The following FAM167A variants were observed in gnomAD, a reference collection of about 807,000 sequenced individuals.
FAM167A encodes the protein family with sequence similarity 167 member A, also known as protein FAM167A.
A neutral mutation model predicts 14.9 loss-of-function variants in FAM167A; 23 were observed. The ratio of observed to expected loss-of-function variants is 1.55; its 90% CI spans 1.11 to 2.19. The LOEUF is 2.19. FAM167A is among the 30% of genes most tolerant of loss of function. The pLI, the probability that FAM167A is intolerant of heterozygous loss-of-function variation, is 0.00. For synonymous variants in FAM167A, 174 were observed against 117.7 expected, an observed-to-expected ratio of 1.48 and a Z score of -3.10; for missense variants, 401 against 281.5, an observed-to-expected ratio of 1.42 and a Z score of -3.04.
At chr8:11,470,275 A>G (rs1391711704), upstream of FAM167A, among the ~76,000 whole-genome samples, 1 of 151,988 alleles carries the variant, frequency 6.6e-6, no homozygotes, top group Non-Finnish European at 1.5e-5. Flanking sequence ...TCTAGCAAAG[A>G]TTTGAGGGAG....
chr8:11,455,497 T>A (rs1206258298), intron 1 of FAM167A, among the ~76,000 whole-genome samples: 1 of 127,948 alleles, frequency 7.8e-6, no homozygotes, highest in Non-Finnish European at 1.7e-5. Flanking sequence ...CCCTGATGGG[T>A]GTGTGAGTGT....
At chr8:11,425,280 CCAT>C (rs755833978) in intron 2 of FAM167A, among the ~76,000 whole-genome samples, 1 of 152,146 alleles carries the variant, frequency 6.6e-6, no homozygotes, top group Non-Finnish European at 1.5e-5. Context: ...AGTGATGTCA[CCAT>C]CATCACCCAC....
At chr8:11,460,826 C>T (rs968482582) in intron 1 of FAM167A, among the ~76,000 whole-genome samples, 1 of 152,092 alleles carries the variant, frequency 6.6e-6, no homozygotes, top group Non-Finnish European at 1.5e-5. Context: ...AACCCTGCAT[C>T]TATTGTCTAG....
At chr8:11,434,236 C>G (rs1563364828) in intron 2 of FAM167A, 1 of 152,232 alleles carries the variant, frequency 6.6e-6, no homozygotes, top group Non-Finnish European at 1.5e-5. Flanking sequence ...CTGAAGCTGA[C>G]TCTCCTGGCG....
intron 2 of FAM167A, among the ~76,000 whole-genome samples, chr8:11,439,782 G>GCC (rs952847216): frequency 2.8e-4 from 42 of 152,274 alleles, no homozygotes; most frequent in African/African-American, 9.4e-4. Flanking sequence ...AGACTTTATT[G>GCC]CCCCTTTTCT....
intron 2 of FAM167A, among the ~76,000 whole-genome samples, chr8:11,432,796 A>G (rs1243989484): frequency 4.6e-5 from 7 of 152,262 alleles, no homozygotes; most frequent in Non-Finnish European, 1.5e-5. Context: ...CACAATAGCA[A>G]AGACTTAGAA....
At chr8:11,457,080 GCGGGGC>G (rs1807356382) in intron 1 of FAM167A, among the ~76,000 whole-genome samples, 2 of 91,184 alleles carry the variant, frequency 2.2e-5, no homozygotes, top group African/African-American at 8.0e-5. Context: ...GGGGAAGTGG[GCGGGGC>G]TGGGTTGGGG....
At chr8:11,446,955 A>G (rs906212255) in intron 1 of FAM167A, among the ~76,000 whole-genome samples, 1 of 152,156 alleles carries the variant, frequency 6.6e-6, no homozygotes. Context: ...AGAGGATTCA[A>G]CTGCAGGCGG....
intron 1 of FAM167A, chr8:11,446,753 G>A (rs554232094): frequency 6.6e-6 from 1 of 152,354 alleles, no homozygotes; most frequent in African/African-American, 2.4e-5. Context: ...GGAGTCTCCT[G>A]TGCAGTTTCA....
rs1804754926 is a variant in FAM167A at position 11,421,876 on chromosome 8, G to C, written c.*2497C>G. 2.5e-6 allele frequency: 1 copy of C among 398,426 alleles called. No individual in the cohort carries two copies. Among genetic ancestry groups the C allele is most frequent in the Admixed American group, 4.4e-5 (1 of 22,710 alleles). The allele number at this position is 398,426 out of a possible 1,614,324, so 24.7% of individuals were successfully genotyped here. ...AGGCCAATGTTGCTGCTGACTCATA[G>C]ACCCACAGAGAGCAGGGACTTCACA... is the stretch of plus-strand genomic sequence containing the variant. On this transcript the variant is annotated 3_prime_UTR_variant, in exon 3 of 3. Transcript: ENST00000284486.
intron 1 of FAM167A, among the ~76,000 whole-genome samples, chr8:11,458,782 AGGG>A (rs1807428692): frequency 6.6e-6 from 1 of 151,632 alleles, no homozygotes; most frequent in African/African-American, 2.4e-5. Flanking sequence ...AGGCGAACTA[AGGG>A]AAAAAAAAAA....
intron 2 of FAM167A, among the ~76,000 whole-genome samples, chr8:11,427,505 G>A (rs1317710670): frequency 6.6e-6 from 1 of 152,188 alleles, no homozygotes; most frequent in Admixed American, 6.5e-5. Context: ...GGTGCCTGGA[G>A]CCAAACTGAT....
In FAM167A at chr8:11,422,748, A is replaced by G. The variant is rs1804845374; in HGVS notation, c.*1625T>C. The G allele has an allele frequency of 1.3e-5, 2 of 152,216 alleles. No individual in the cohort carries two copies. Among genetic ancestry groups the G allele is most frequent in the African/African-American group, 4.8e-5 (2 of 41,430 alleles). 9.4% of individuals were successfully genotyped at this position (152,216 alleles called of 1,614,324 possible). On this transcript the variant is annotated 3_prime_UTR_variant, in exon 3 of 3. Coordinates refer to ENST00000284486, the MANE Select transcript of FAM167A (RefSeq NM_053279.3). ...TGTGGGTCACGATGTGTGGGTGGAC[A>G]CGGGCCCCACTGAGATTACACAGGA...
chr8:11,444,726 G>C lies in FAM167A; in HGVS notation c.-315C>G. ...GGGCAGCCTGTGCCAAGGTCTATCTGTCCTGAACGCACTCGAAGACCAGAC... is the reference window on the plus strand; with the variant it reads ...GGGCAGCCTGTGCCAAGGTCTATCTCTCCTGAACGCACTCGAAGACCAGAC... On this transcript the variant is annotated 5_prime_UTR_variant, in exon 2 of 3. Transcript: ENST00000284486. 1 of 1,115,148 alleles carries C rather than the reference G, an allele frequency of 9.0e-7. No homozygotes were observed. The highest frequency in any genetic ancestry group is 1.1e-6 in the Non-Finnish European group (1 of 912,382). The allele number at this position is 1,115,148 out of a possible 1,614,324, so 69.1% of individuals were successfully genotyped here.
intron 1 of FAM167A, among the ~76,000 whole-genome samples, chr8:11,474,305 T>G (rs1020208707): frequency 6.6e-6 from 1 of 152,218 alleles, no homozygotes; most frequent in African/African-American, 2.4e-5. Flanking sequence ...CTGGCAGCAT[T>G]CCTGGATATC....
chr8:11,458,033 G>A (rs1305012801), intron 1 of FAM167A, among the ~76,000 whole-genome samples: 1 of 151,950 alleles, frequency 6.6e-6, no homozygotes, highest in Admixed American at 6.6e-5. Flanking sequence ...TGAAGTCAGC[G>A]AACAAAGTCC....
At chr8:11,433,023 G>A (rs189210582) in intron 2 of FAM167A, among the ~76,000 whole-genome samples, 12 of 152,130 alleles carry the variant, frequency 7.9e-5, no homozygotes, top group East Asian at 5.8e-4. Context: ...ATGATAACAC[G>A]TGGACACAGG....
chr8:11,436,463 C>T (rs565139066), intron 2 of FAM167A, among the ~76,000 whole-genome samples: 13 of 152,302 alleles, frequency 8.5e-5, no homozygotes, highest in African/African-American at 3.1e-4. Flanking sequence ...GGGCTGGCTC[C>T]CTCACCTCTG....
intron 1 of FAM167A, among the ~76,000 whole-genome samples, chr8:11,466,274 C>G (rs574492477): frequency 6.6e-6 from 1 of 152,362 alleles, no homozygotes; most frequent in South Asian, 2.1e-4. Context: ...CACCAGCCGC[C>G]TGGGAGTGGA....
Sources: gnomAD v4.1 joint callset for allele counts (sites outside exome capture counted in the v4.1 genomes callset) on GRCh38, gnomAD v4.1.1 for gene constraint, MANE v1.5 for transcripts, NCBI Gene and HGNC (gene_info 2026-07-23, HGNC 2026-07-21) for gene names.